The following ARL15 variants were observed in gnomAD, a reference collection of about 807,000 sequenced individuals.
ARL15 encodes the protein ARF like GTPase 15.
A neutral mutation model predicts 25.2 loss-of-function variants in ARL15; 19 were observed. The ratio of observed to expected loss-of-function variants is 0.75; its 90% CI spans 0.53 to 1.10. The LOEUF (loss-of-function observed/expected upper bound fraction) is 1.10, where lower values mean the gene tolerates loss of function less well. Among genes scored for constraint, ARL15 ranks in the 50% least tolerant of loss-of-function variants. ARL15 has a pLI of 0.00. For missense variants in ARL15, 220 were observed against 246.0 expected (o/e 0.89, Z 0.71); for synonymous variants, 94 against 86.8 (o/e 1.08, Z -0.46).
At chr5:54,030,747 G>C (rs989553479) in intron 4 of ARL15, among the ~76,000 whole-genome samples, 2 of 152,150 alleles carry the variant, frequency 1.3e-5, no homozygotes, top group Non-Finnish European at 2.9e-5. Context: ...GCAGAGATGT[G>C]CCATGATATC....
intron 1 of ARL15, among the ~76,000 whole-genome samples, chr5:54,269,681 T>C (rs1757728585): frequency 6.6e-6 from 1 of 152,250 alleles, no homozygotes; most frequent in African/African-American, 2.4e-5. Flanking sequence ...TGTCTCGCAC[T>C]GTCGCCTGGG....
intron 4 of ARL15, among the ~76,000 whole-genome samples, chr5:54,086,288 C>T (rs910438668): frequency 3.3e-5 from 5 of 152,264 alleles, no homozygotes; most frequent in Admixed American, 3.3e-4. Flanking sequence ...CACAGTTTAT[C>T]ACTTTGGAAG....
intron 1 of ARL15, among the ~76,000 whole-genome samples, chr5:54,285,781 AG>A (rs1758165309): frequency 6.6e-6 from 1 of 152,190 alleles, no homozygotes; most frequent in Non-Finnish European, 1.5e-5. Flanking sequence ...TTTCCAAATA[AG>A]GTTAACAAAG....
chr5:53,938,848 AT>A (rs1746438227), intron 4 of ARL15, among the ~76,000 whole-genome samples: 1 of 152,178 alleles, frequency 6.6e-6, no homozygotes, highest in African/African-American at 2.4e-5. Context: ...TGTCTCAAAA[AT>A]AAATAAATAA....
In ARL15 at chr5:53,972,873, T is replaced by C. The variant is rs556594490; in HGVS notation, c.463-86160A>G. ...ATCTGATGGTCTGTCTCTTGCCTTCTGTTACGTACTGGAAGTGATTTCAAG... is the reference window on the plus strand; with the variant it reads ...ATCTGATGGTCTGTCTCTTGCCTTCCGTTACGTACTGGAAGTGATTTCAAG... On this transcript the variant is annotated intron_variant, in intron 4 of 4. Coordinates refer to ENST00000504924, the MANE Select transcript of ARL15 (RefSeq NM_019087.3). Among the ~76,000 whole-genome samples, 30 of 152,334 alleles carry C rather than the reference T, an allele frequency of 2.0e-4. 1 individual carries two copies. Among genetic ancestry groups the C allele is most frequent in the African/African-American group, 4.3e-4 (18 of 41,584 alleles).
At chr5:54,115,702 T>C (rs1236252640) in intron 3 of ARL15, among the ~76,000 whole-genome samples, 1 of 152,176 alleles carries the variant, frequency 6.6e-6, no homozygotes, top group African/African-American at 2.4e-5. Flanking sequence ...ACATTTGATG[T>C]TGAGTAATGT....
At chr5:54,088,295 G>T (rs1752034715) in intron 4 of ARL15, among the ~76,000 whole-genome samples, 1 of 152,164 alleles carries the variant, frequency 6.6e-6, no homozygotes, top group Non-Finnish European at 1.5e-5. Context: ...GACTGAAGAG[G>T]TCATATGGGG....
chr5:54,302,712 T>TC (rs869202163), intron 1 of ARL15, among the ~76,000 whole-genome samples: 36 of 136,584 alleles, frequency 2.6e-4, no homozygotes, highest in African/African-American at 5.5e-4. Context: ...TTTTTTTTTT[T>TC]CCAGGATGGG....
At chr5:54,228,429 T>C in intron 1 of ARL15, among the ~76,000 whole-genome samples, 1 of 152,052 alleles carries the variant, frequency 6.6e-6, no homozygotes. Flanking sequence ...ACAGGTGAAT[T>C]TACTCAGATA....
chr5:54,168,540 C>T (rs924026970), intron 2 of ARL15, among the ~76,000 whole-genome samples: 10 of 152,160 alleles, frequency 6.6e-5, no homozygotes, highest in African/African-American at 1.4e-4. Flanking sequence ...AGTATTGTCC[C>T]TGCTGGATCA....
At chr5:54,125,075 G>GTTTTTTTT (rs774608441) in intron 3 of ARL15, among the ~76,000 whole-genome samples, 8 of 134,968 alleles carry the variant, frequency 5.9e-5, no homozygotes, top group Admixed American at 7.2e-5. Context: ...TTTTTGTTTT[G>GTTTTTTTT]TTTTGTTTTG....
At chr5:54,139,729 G>A (rs1753715774) in intron 3 of ARL15, among the ~76,000 whole-genome samples, 1 of 152,158 alleles carries the variant, frequency 6.6e-6, no homozygotes, top group Non-Finnish European at 1.5e-5. Context: ...CTACTTGGAA[G>A]GCTGAGGTGG....
intron 3 of ARL15, among the ~76,000 whole-genome samples, chr5:54,147,250 G>A (rs536406496): frequency 1.9e-4 from 29 of 151,958 alleles, no homozygotes; most frequent in Admixed American, 7.2e-4. Context: ...AAGAAGTTGC[G>A]GTCATTCAGT....
At chr5:54,223,899 G>A (rs1756445836) in intron 1 of ARL15, among the ~76,000 whole-genome samples, 1 of 152,106 alleles carries the variant, frequency 6.6e-6, no homozygotes, top group Non-Finnish European at 1.5e-5. Flanking sequence ...AGGCATGTCA[G>A]GAGCAGGTTA....
chr5:54,070,663 A>C (rs760075644), intron 4 of ARL15, among the ~76,000 whole-genome samples: 3 of 151,928 alleles, frequency 2.0e-5, no homozygotes, highest in Non-Finnish European at 4.4e-5. Flanking sequence ...CAACATGGTG[A>C]AACCCTGTAT....
chr5:53,884,306 G>T lies in ARL15; in HGVS notation c.*2255C>A, dbSNP rs1561134469. 1 of 151,944 alleles carries T rather than the reference G, an allele frequency of 6.6e-6. No individual in the cohort carries two copies. The highest frequency in any genetic ancestry group is 1.5e-5 in the Non-Finnish European group (1 of 68,022). The allele number at this position is 151,944 out of a possible 1,614,324, so 9.4% of individuals were successfully genotyped here. A position where few individuals can be genotyped will look rare whatever the true frequency, so the allele number is the denominator to read the frequency against. On this transcript the variant is annotated 3_prime_UTR_variant, in exon 5 of 5. Transcript: ENST00000504924. ...TGAATATGCAAACCAAGACACCTGT[G>T]GCACTTTACATGAAAGTAGGAAAAG...
intron 4 of ARL15, among the ~76,000 whole-genome samples, chr5:54,071,979 G>GAAAAAAAA (rs71989027): frequency 4.9e-4 from 62 of 126,136 alleles, no homozygotes; most frequent in Non-Finnish European, 6.2e-4. Flanking sequence ...CTCAAAAAAA[G>GAAAAAAAA]AAAAAAAAAA....
At chr5:54,152,790 C>A (rs542260024) in intron 3 of ARL15, among the ~76,000 whole-genome samples, 1 of 152,330 alleles carries the variant, frequency 6.6e-6, no homozygotes, top group African/African-American at 2.4e-5. Context: ...ATTTCAGCAA[C>A]TGTCAGGGAA....
chr5:53,976,301 G>A (rs1414738387), intron 4 of ARL15, among the ~76,000 whole-genome samples: 1 of 152,158 alleles, frequency 6.6e-6, no homozygotes, highest in African/African-American at 2.4e-5. Context: ...CAGGTAGGAG[G>A]AATAATATTT....
Sources: allele counts gnomAD v4.1 joint callset (sites outside exome capture counted in the v4.1 genomes callset), GRCh38; gene constraint gnomAD v4.1.1; transcripts MANE v1.5; gene names NCBI Gene and HGNC (gene_info 2026-07-23, HGNC 2026-07-21).